Variants in OTOF observed in about 807,000 individuals in gnomAD.
OTOF encodes fer-1-like family member 2.
A neutral mutation model predicts 236.8 loss-of-function variants in OTOF; 218 were observed. The ratio of observed to expected loss-of-function variants is 0.92; its 90% CI spans 0.82 to 1.03. The LOEUF (loss-of-function observed/expected upper bound fraction) is 1.03, where lower values mean the gene tolerates loss of function less well. OTOF is among the 50% of genes least tolerant of loss of function. OTOF has a pLI of 0.00. For missense variants in OTOF, 2,590 were observed against 2,694.4 expected, an observed-to-expected ratio of 0.96 and a Z score of 0.86; for synonymous variants, 1,041 against 1,072.5, an observed-to-expected ratio of 0.97 and a Z score of 0.57.
At chr2:26,544,983 T>G (rs750011373) in intron 1 of OTOF, among the ~76,000 whole-genome samples, 11 of 151,034 alleles carry the variant, frequency 7.3e-5, no homozygotes, top group Non-Finnish European at 1.0e-4. Flanking sequence ...AAAGGTTGCA[T>G]TGAACCAAGA....
intron 2 of OTOF, among the ~76,000 whole-genome samples, chr2:26,535,394 C>T (rs746209098): frequency 2.6e-5 from 4 of 152,154 alleles, no homozygotes; most frequent in African/African-American, 4.8e-5. Flanking sequence ...AGTGCTGCTG[C>T]TGGGGCTGCC....
chr2:26,522,010 G>T (rs1467618450), intron 3 of OTOF, among the ~76,000 whole-genome samples: 1 of 152,184 alleles, frequency 6.6e-6, no homozygotes, highest in African/African-American at 2.4e-5. Context: ...TTTGCAGGAT[G>T]GGCTTCAGGG....
chr2:26,505,559 A>T (rs1666227777), intron 5 of OTOF, among the ~76,000 whole-genome samples: 2 of 152,208 alleles, frequency 1.3e-5, no homozygotes, highest in African/African-American at 2.4e-5. Flanking sequence ...TGAGGGCCAC[A>T]TACTTCTCCT....
chr2:26,515,582 G>A (rs1666503227), intron 5 of OTOF, among the ~76,000 whole-genome samples: 2 of 152,246 alleles, frequency 1.3e-5, no homozygotes, highest in African/African-American at 4.8e-5. Flanking sequence ...GAGGGACTGA[G>A]TAAACTTTAC....
chr2:26,474,709 C>T, intron 25 of OTOF, 35 bp from the exon 26 acceptor site: 1 of 1,610,956 alleles, frequency 6.2e-7, no homozygotes. Flanking sequence ...CCTCTTGGTG[C>T]TTGCTGTCCA....
chr2:26,469,171 T>C (rs1664867601), intron 32 of OTOF, among the ~76,000 whole-genome samples: 1 of 152,222 alleles, frequency 6.6e-6, no homozygotes, highest in Non-Finnish European at 1.5e-5. Flanking sequence ...TACAAAAGTA[T>C]AACAGTAAGA....
At position 26,458,147 on chromosome 2, in the gene OTOF, T is replaced by G; in HGVS notation, c.*91A>C. 1 of 1,614,106 alleles carries G rather than the reference T, an allele frequency of 6.2e-7. No individual in the cohort carries two copies. Among genetic ancestry groups the G allele is most frequent in the Non-Finnish European group, 8.5e-7 (1 of 1,179,976 alleles). On this transcript the variant is annotated 3_prime_UTR_variant, in exon 47 of 47. Coordinates refer to ENST00000272371, the MANE Select transcript of OTOF (RefSeq NM_194248.3). Reference sequence around the variant, plus strand: ...AGCACGATCTTGATGATGAGCCACTTGTACCGGGTGCAGATGAGGTACTTG... The same window carrying G: ...AGCACGATCTTGATGATGAGCCACTGGTACCGGGTGCAGATGAGGTACTTG...
At chr2:26,553,281 A>G (rs1212426638) in intron 1 of OTOF, among the ~76,000 whole-genome samples, 1 of 152,012 alleles carries the variant, frequency 6.6e-6, no homozygotes, top group Non-Finnish European at 1.5e-5. Flanking sequence ...CTTGGCTGCA[A>G]TTCTCCTCCT....
At chr2:26,507,361 C>G (rs567577114) in intron 5 of OTOF, among the ~76,000 whole-genome samples, 9 of 152,288 alleles carry the variant, frequency 5.9e-5, no homozygotes, top group South Asian at 4.1e-4. Context: ...ATAGAAAAAG[C>G]CTTTCTGCCT....
In OTOF at chr2:26,480,287, A is replaced by G; in HGVS notation, c.1828T>C (p.Phe610Leu). 6.2e-7 allele frequency: 1 copy of G among 1,611,102 alleles called. No homozygotes were observed. The change falls in exon 16 of 47, where the codon TTC becomes CTC. Residue 610 changes from phenylalanine to leucine, a missense_variant. By Grantham distance (22) the Phe-to-Leu change is conservative (BLOSUM62 0). Coordinates refer to ENST00000272371, the MANE Select transcript of OTOF (RefSeq NM_194248.3). ...TCCAGGAAGGCTCCAAAGAGAAAGA[A>G]TTCTTCCATTTTACCTGCACAGCTC... is the stretch of plus-strand genomic sequence containing the variant. ...SESCAGKMEEFFLFGAFLEAS... is the reference protein window; with the variant it reads ...SESCAGKMEELFLFGAFLEAS...
Position 26,460,700 on chromosome 2 carries a change from C to G in OTOF, c.5760G>C (p.Glu1920Asp), listed in dbSNP as rs1664419877. Reference protein sequence around the residue: ...ELHLLTAEEAEKNPVGLARNE... With the variant: ...ELHLLTAEEADKNPVGLARNE... Reference sequence around the variant, plus strand: ...TGCGGGCCAGGCCCACTGGGTTCTTCTCTGCCTCCTCTGCTGTCAGTAAAT... The same window carrying G: ...TGCGGGCCAGGCCCACTGGGTTCTTGTCTGCCTCCTCTGCTGTCAGTAAAT... Residue 1920 changes from glutamate (E) to aspartate (D), a missense_variant, in exon 45 of 47, where the codon GAG (glutamate) becomes GAC (aspartate). Glu to Asp is a conservative substitution (Grantham distance 45). This residue lies in a region of OTOF where 1,211 missense variants were observed against 1,352.8 expected (regional missense o/e 0.90). Transcript: ENST00000272371. The surrounding 1 kb of genome is among the most constrained non-coding windows in gnomAD (Gnocchi z 5.3). The G allele has an allele frequency of 3.1e-6, 5 of 1,613,844 alleles. No individual in the cohort carries two copies. Among genetic ancestry groups the G allele is most frequent in the African/African-American group, 1.3e-5 (1 of 74,850 alleles).
rs749312946 is a variant in OTOF, at chr2:26,464,075, C to T, written c.4992G>A (p.Ala1664=). 1.5e-5 allele frequency: 24 copies of T among 1,613,516 alleles called. No individual in the cohort carries two copies. In the East Asian group the frequency reaches 2.7e-4, roughly 18 times the overall value. Residue 1664 remains alanine, a synonymous_variant, in exon 40 of 47, where the codon GCG becomes GCA. Transcript: ENST00000272371. The stretch of plus-strand genomic sequence containing the variant: ...CCTCCCAGTGCCTCAGGGCCAACAG[C>T]GCCACATGCTCGTCTGTGGGCTTCC... The part of the protein sequence containing the change: ...GQRKPTDEHV[A]LLALRHWEDI...
chr2:26,464,765 C>T, intron 39 of OTOF, 104 bp downstream of exon 39: 1 of 1,148,186 alleles, frequency 8.7e-7, no homozygotes, highest in Non-Finnish European at 1.2e-6. Flanking sequence ...AGGCTGAGGA[C>T]ACCCCAGGCT....
intron 14 of OTOF, among the ~76,000 whole-genome samples, chr2:26,481,824 A>T (rs924370510): frequency 2.0e-5 from 3 of 152,180 alleles, no homozygotes; most frequent in African/African-American, 4.8e-5. Context: ...CGGATGTTTC[A>T]CATACATGGA....
Position 26,516,452 on chromosome 2 carries a change from T to G in OTOF, c.475A>C (p.Ser159Arg). The G allele has an allele frequency of 6.2e-7, 1 of 1,613,958 alleles. No individual in the cohort carries two copies. The highest frequency in any genetic ancestry group is 8.5e-7 in the Non-Finnish European group (1 of 1,179,958). Residue 159 changes from serine to arginine, a missense_variant, in exon 5 of 47, where the codon AGC (serine) becomes CGC (arginine). This residue lies in a region of OTOF where 1,379 missense variants were observed against 1,341.6 expected (regional missense o/e 1.03). Transcript: ENST00000272371. ...CTCTTCTCTCCTGGGGGCCGGGAGC[T>G]GGGCCGGGAGCCTGGGAGCAGTCCA... Reference protein sequence around the residue: ...TDGLLPGSRPSSRPPGEKSFR... With the variant: ...TDGLLPGSRPRSRPPGEKSFR...
At chr2:26,522,751 C>T (rs1666707297) in intron 3 of OTOF, among the ~76,000 whole-genome samples, 1 of 152,226 alleles carries the variant, frequency 6.6e-6, no homozygotes, top group African/African-American at 2.4e-5. Context: ...CCTGACTGTC[C>T]TGAACCTGCT....
chr2:26,516,366 T>C, intron 5 of OTOF, 52 bp downstream of exon 5: 1 of 1,548,318 alleles, frequency 6.5e-7, no homozygotes. Flanking sequence ...GCCCCAGGTC[T>C]CTTCCCCGTG....
Position 26,502,375 on chromosome 2 carries a change from A to C in OTOF, c.635T>G (p.Leu212Arg). ...CGAGTCGGGATCCAGTCCATCTCCTAGCCGAATGGCCAGATGGTCAAGGTC... is the reference window on the plus strand; with the variant it reads ...CGAGTCGGGATCCAGTCCATCTCCTCGCCGAATGGCCAGATGGTCAAGGTC... Reference protein sequence around the residue: ...MEDLDHLAIRLGDGLDPDSVS... With the variant: ...MEDLDHLAIRRGDGLDPDSVS... The change falls in exon 7 of 47, where the codon CTA (leucine) becomes CGA (arginine). Residue 212 changes from leucine (L) to arginine (R), a missense_variant. Physicochemically the swap from Leu to Arg is moderately radical, Grantham distance 102 (BLOSUM62 -2). Coordinates refer to ENST00000272371, the MANE Select transcript of OTOF (RefSeq NM_194248.3). 1 of 1,613,934 alleles carries C rather than the reference A, an allele frequency of 6.2e-7. No individual in the cohort carries two copies. The highest frequency in any genetic ancestry group is 1.1e-5 in the South Asian group (1 of 91,058).
In OTOF at chr2:26,467,096, G is replaced by T; in HGVS notation, c.4362+3C>A. Reference sequence around the variant, plus strand: ...CAGGCTGGGCCCGTGCTCCTGGCCTGACCTTGAAGCGTCCCACAATGCGCT... The same window carrying T: ...CAGGCTGGGCCCGTGCTCCTGGCCTTACCTTGAAGCGTCCCACAATGCGCT... On this transcript the variant is annotated splice_donor_region_variant and intron_variant, in intron 35 of 46. Coordinates refer to ENST00000272371, the MANE Select transcript of OTOF (RefSeq NM_194248.3). The T allele has an allele frequency of 6.2e-7, 1 of 1,612,942 alleles. No individual in the cohort carries two copies. Among genetic ancestry groups the T allele is most frequent in the South Asian group, 1.1e-5 (1 of 91,080 alleles).
Sources: allele counts gnomAD v4.1 joint callset (sites outside exome capture counted in the v4.1 genomes callset), GRCh38; gene constraint gnomAD v4.1.1; regional missense constraint gnomAD v4.1.1; non-coding constraint Gnocchi (gnomAD v3.1); transcripts MANE v1.5; gene names NCBI Gene and HGNC (gene_info 2026-07-23, HGNC 2026-07-21).